The following RAB7A variants were observed in gnomAD, a reference collection of about 807,000 sequenced individuals.
RAB7A encodes ras-related protein Rab-7a.
In RAB7A, 2 loss-of-function variants were observed where a neutral mutation model predicts 24.5. That is an observed-to-expected ratio of 0.08 (90% CI 0.03 to 0.26). RAB7A has a LOEUF of 0.26. Ranked by LOEUF, RAB7A falls within the 10% of genes least tolerant of loss-of-function variation. The pLI, the probability that RAB7A is intolerant of heterozygous loss-of-function variation, is 1.00. For missense variants in RAB7A, 118 were observed against 255.7 expected (o/e 0.46, Z 3.67); for synonymous variants, 100 against 95.9 (o/e 1.04, Z -0.25).
chr3:128,803,625 G>T (rs1418686072), intron 3 of RAB7A, among the ~76,000 whole-genome samples: 1 of 152,200 alleles, frequency 6.6e-6, no homozygotes, highest in Non-Finnish European at 1.5e-5. Flanking sequence ...TTGCAGCCTT[G>T]CATGGGGAGT....
intron 1 of RAB7A, among the ~76,000 whole-genome samples, chr3:128,776,575 A>G (rs1933094709): frequency 6.6e-6 from 1 of 152,174 alleles, no homozygotes; most frequent in Non-Finnish European, 1.5e-5. Context: ...GTGTGCCACT[A>G]TGCCTGACCA....
At chr3:128,771,384 C>T (rs1932933657) in intron 1 of RAB7A, among the ~76,000 whole-genome samples, 1 of 152,160 alleles carries the variant, frequency 6.6e-6, no homozygotes, top group African/African-American at 2.4e-5. Flanking sequence ...ACAAAGAATT[C>T]TATAGCACTG....
At chr3:128,801,390 A>G (rs1391460408) in intron 3 of RAB7A, among the ~76,000 whole-genome samples, 2 of 9,746 alleles carry the variant, frequency 2.1e-4, no homozygotes, top group Non-Finnish European at 5.8e-4. Context: ...AAAAGTAATA[A>G]TAAGAGGATG....
chr3:128,784,661 A>T (rs371226916), intron 1 of RAB7A, among the ~76,000 whole-genome samples: 22 of 152,280 alleles, frequency 1.4e-4, no homozygotes, highest in East Asian at 1.2e-3. Flanking sequence ...AAGGCCTTGC[A>T]TGTGCGTTCT....
At chr3:128,803,612 T>C (rs1415939875) in intron 3 of RAB7A, among the ~76,000 whole-genome samples, 2 of 152,210 alleles carry the variant, frequency 1.3e-5, no homozygotes, top group Non-Finnish European at 2.9e-5. Flanking sequence ...ATGAGAGTTA[T>C]CATTGCAGCC....
chr3:128,782,930 G>T (rs1220430867), intron 1 of RAB7A, among the ~76,000 whole-genome samples: 2 of 152,120 alleles, frequency 1.3e-5, no homozygotes, highest in Non-Finnish European at 2.9e-5. Flanking sequence ...TAATGGGCAA[G>T]AGGTTCAAAG....
intron 1 of RAB7A, among the ~76,000 whole-genome samples, chr3:128,747,306 G>A (rs900702326): frequency 6.7e-6 from 1 of 149,178 alleles, no homozygotes; most frequent in East Asian, 2.0e-4. Flanking sequence ...AAAATAATCG[G>A]CCGGGCGCAG....
At chr3:128,759,731 C>T (rs1287467393) in intron 1 of RAB7A, among the ~76,000 whole-genome samples, 5 of 151,356 alleles carry the variant, frequency 3.3e-5, no homozygotes, top group South Asian at 2.1e-4. Context: ...TTTTCTGAGA[C>T]GGAGTTTCGC....
chr3:128,761,884 C>T (rs570576280), intron 1 of RAB7A, among the ~76,000 whole-genome samples: 32 of 152,284 alleles, frequency 2.1e-4, no homozygotes, highest in Non-Finnish European at 4.4e-4. Context: ...TTATGCCTGC[C>T]AAACTGTGGC....
At chr3:128,763,208 AT>A (rs1174944964) in intron 1 of RAB7A, among the ~76,000 whole-genome samples, 1,465 of 75,894 alleles carry the variant, frequency 0.019, 6 homozygotes, top group Middle Eastern at 0.043. Context: ...ATATATATAT[AT>A]TTTTTTTTTT....
chr3:128,770,481 A>T (rs144542040), intron 1 of RAB7A, among the ~76,000 whole-genome samples: 1,818 of 152,318 alleles, frequency 0.012, 32 homozygotes, highest in African/African-American at 0.039. Flanking sequence ...AGTCTTTTGA[A>T]ATGGGACTGG....
chr3:128,738,059 A>G (rs1045138461), intron 1 of RAB7A, among the ~76,000 whole-genome samples: 2 of 151,480 alleles, frequency 1.3e-5, no homozygotes, highest in Admixed American at 1.3e-4. Flanking sequence ...TTTTGAGACA[A>G]GGTCTCACTG....
chr3:128,776,390 G>A (rs1430288615), intron 1 of RAB7A, among the ~76,000 whole-genome samples: 1 of 151,952 alleles, frequency 6.6e-6, no homozygotes, highest in Non-Finnish European at 1.5e-5. Context: ...ATCCCTTAGG[G>A]CCCAGCTGCC....
At chr3:128,777,104 T>G (rs1933113245) in intron 1 of RAB7A, among the ~76,000 whole-genome samples, 2 of 152,204 alleles carry the variant, frequency 1.3e-5, no homozygotes, top group Admixed American at 1.3e-4. Flanking sequence ...CCTTATATGT[T>G]TAGGGTATTA....
chr3:128,759,337 A>C (rs2070758069), intron 1 of RAB7A, among the ~76,000 whole-genome samples: 1 of 152,210 alleles, frequency 6.6e-6, no homozygotes, highest in African/African-American at 2.4e-5. Flanking sequence ...GGTTTATGTT[A>C]GTTCCTTTCC....
chr3:128,756,971 G>C (rs1350748974), intron 1 of RAB7A, among the ~76,000 whole-genome samples: 1 of 151,700 alleles, frequency 6.6e-6, no homozygotes, highest in Non-Finnish European at 1.5e-5. Flanking sequence ...AGCTTCCCAA[G>C]TAGCTGGGAC....
chr3:128,754,837 C>T (rs569729010), intron 1 of RAB7A, among the ~76,000 whole-genome samples: 11 of 151,980 alleles, frequency 7.2e-5, no homozygotes, highest in Non-Finnish European at 1.6e-4. Flanking sequence ...AGGTTTAATA[C>T]GGCAAAAAGA....
At chr3:128,799,701 G>A (rs147832030) in intron 3 of RAB7A, among the ~76,000 whole-genome samples, 442 of 152,332 alleles carry the variant, frequency 2.9e-3, no homozygotes, top group African/African-American at 9.5e-3. Flanking sequence ...AAGCTTGAGA[G>A]TAGAACTGGA....
At chr3:128,737,250 A>G (rs189495712) in intron 1 of RAB7A, among the ~76,000 whole-genome samples, 624 of 151,624 alleles carry the variant, frequency 4.1e-3, no homozygotes, top group Admixed American at 9.3e-3. Context: ...TGTGTTAGCC[A>G]GGATGGTCTC....
Sources: allele counts gnomAD v4.1 joint callset (sites outside exome capture counted in the v4.1 genomes callset), GRCh38; gene constraint gnomAD v4.1.1; transcripts MANE v1.5; gene names NCBI Gene and HGNC (gene_info 2026-07-23, HGNC 2026-07-21).